Variants in TACC2 observed in about 807,000 individuals in gnomAD.
The protein encoded by TACC2 is transforming acidic coiled-coil-containing protein 2.
TACC2 carries 137 observed loss-of-function variants against 227.3 expected under a neutral mutation model. The observed-to-expected ratio is 0.60, with a 90% CI of 0.52 to 0.69. TACC2 has a LOEUF of 0.69. Ranked by LOEUF, TACC2 falls within the 30% of genes least tolerant of loss-of-function variation. The probability of loss-of-function intolerance (pLI) is 0.00; values close to 1 mark genes in which losing one functional copy is unlikely to be tolerated. For synonymous variants in TACC2, 1,523 were observed against 1,487.5 expected, an observed-to-expected ratio of 1.02 and a Z score of -0.55; for missense variants, 3,470 against 3,694.4, an observed-to-expected ratio of 0.94 and a Z score of 1.57.
At chr10:121,989,556 A>G (rs1027697847) in intron 1 of TACC2, 68 bp downstream of exon 1, 4 of 152,148 alleles carry the variant, frequency 2.6e-5, no homozygotes, top group African/African-American at 9.7e-5. Flanking sequence ...AATACAGGGT[A>G]GGAAAACCCT....
chr10:122,148,166 T>C (rs562766021), intron 7 of TACC2, among the ~76,000 whole-genome samples: 4 of 149,360 alleles, frequency 2.7e-5, no homozygotes, highest in African/African-American at 1.0e-4. Context: ...TGCAATGGCG[T>C]GATCTCTTCT....
At chr10:122,139,681 A>G (rs2090250591) in intron 6 of TACC2, among the ~76,000 whole-genome samples, 2 of 152,106 alleles carry the variant, frequency 1.3e-5, no homozygotes, top group African/African-American at 2.4e-5. Flanking sequence ...TTGCCCTATT[A>G]TGTGATCATG....
At chr10:122,116,491 C>G (rs2084722594) in intron 5 of TACC2, among the ~76,000 whole-genome samples, 1 of 152,188 alleles carries the variant, frequency 6.6e-6, no homozygotes, top group Non-Finnish European at 1.5e-5. Flanking sequence ...AGCTGTGTGA[C>G]CTTGAGCAAG....
intron 6 of TACC2, among the ~76,000 whole-genome samples, chr10:122,136,446 A>G (rs549616991): frequency 6.6e-6 from 1 of 152,186 alleles, no homozygotes; most frequent in Non-Finnish European, 1.5e-5. Flanking sequence ...AGGCTGGAAC[A>G]GTCCTCGGGA....
At chr10:122,068,269 A>T (rs1319673608) in intron 3 of TACC2, among the ~76,000 whole-genome samples, 1 of 152,188 alleles carries the variant, frequency 6.6e-6, no homozygotes, top group African/African-American at 2.4e-5. Context: ...CTGGAAAAAA[A>T]GTCTTTTTAT....
intron 8 of TACC2, among the ~76,000 whole-genome samples, chr10:122,207,318 G>A (rs1219068459): frequency 6.6e-6 from 1 of 151,994 alleles, no homozygotes; most frequent in Non-Finnish European, 1.5e-5. Flanking sequence ...AATGCAGTAG[G>A]CGAGCAGGGA....
intron 2 of TACC2, among the ~76,000 whole-genome samples, chr10:122,048,611 C>T (rs2075330128): frequency 6.6e-6 from 1 of 152,050 alleles, no homozygotes; most frequent in African/African-American, 2.4e-5. Context: ...TCCCACCTCG[C>T]CTTCCCAAAG....
chr10:122,243,144 A>G (rs757115642), intron 19 of TACC2, among the ~76,000 whole-genome samples: 4 of 152,096 alleles, frequency 2.6e-5, no homozygotes, highest in Admixed American at 6.5e-5. Flanking sequence ...GGGTTTCACT[A>G]TGTTGGCCAG....
At chr10:122,103,649 C>T (rs2082417552) in intron 5 of TACC2, among the ~76,000 whole-genome samples, 1 of 152,244 alleles carries the variant, frequency 6.6e-6, no homozygotes, top group Non-Finnish European at 1.5e-5. Flanking sequence ...CTAGGCCCCA[C>T]ATACCCTTTC....
intron 7 of TACC2, among the ~76,000 whole-genome samples, chr10:122,176,626 C>A (rs534382618): frequency 6.6e-6 from 1 of 152,228 alleles, no homozygotes; most frequent in South Asian, 2.1e-4. Context: ...GATAACCATG[C>A]AGATTCAAGC....
intron 5 of TACC2, among the ~76,000 whole-genome samples, chr10:122,125,673 G>C (rs866369496): frequency 6.6e-6 from 1 of 152,064 alleles, no homozygotes; most frequent in Non-Finnish European, 1.5e-5. Flanking sequence ...AGGATGGCCA[G>C]ATTGGTGCCT....
chr10:122,031,769 A>G (rs1017579840), intron 2 of TACC2, among the ~76,000 whole-genome samples: 1 of 150,602 alleles, frequency 6.6e-6, no homozygotes, highest in African/African-American at 2.5e-5. Flanking sequence ...CAGTGGCACA[A>G]TCTTGGCTCA....
chr10:122,209,559 T>G lies in TACC2; in HGVS notation c.5972-838T>G, dbSNP rs1593370155. Among the ~76,000 whole-genome samples the G allele has an allele frequency of 1.3e-5, 2 of 152,176 alleles. No homozygotes were observed. Among genetic ancestry groups the G allele is most frequent in the Non-Finnish European group, 2.9e-5 (2 of 68,040 alleles). On this transcript the variant is annotated intron_variant, in intron 8 of 22. Transcript: ENST00000369005. The surrounding 1 kb of genome is among the most constrained non-coding windows in gnomAD (Gnocchi z 4.5). ...AGTCCTCCTGTTTCATGCACTTACC[T>G]TGATTCTGGCCTTTGCTTAGATGTC...
At chr10:121,992,091 G>C (rs1953050994) in intron 1 of TACC2, among the ~76,000 whole-genome samples, 4 of 152,142 alleles carry the variant, frequency 2.6e-5, no homozygotes, top group Non-Finnish European at 5.9e-5. Context: ...ATGAGATCCG[G>C]GTGGGGACAC....
intron 1 of TACC2, among the ~76,000 whole-genome samples, chr10:121,991,929 CAAAG>C (rs1953043198): frequency 1.3e-5 from 2 of 152,060 alleles, no homozygotes; most frequent in South Asian, 2.1e-4. Context: ...TGACAGCAGG[CAAAG>C]AAAGAGCTTG....
At chr10:122,088,796 T>C in intron 5 of TACC2, 1 of 1,487,716 alleles carries the variant, frequency 6.7e-7, no homozygotes, top group Non-Finnish European at 9.0e-7. Context: ...ATTGAATGAG[T>C]TGCTTTCATA....
rs558370084 is a variant in TACC2, at chr10:122,217,022, C to T, written c.7546+194C>T. 445 of 1,189,206 alleles carry T rather than the reference C, an allele frequency of 3.7e-4. 2 individuals are homozygous for T. Among genetic ancestry groups the T allele is most frequent in the Non-Finnish European group, 2.1e-5 (18 of 865,498 alleles). The allele number at this position is 1,189,206 out of a possible 1,614,324, so 73.7% of individuals were successfully genotyped here. On this transcript the variant is annotated intron_variant, in intron 11 of 22. Coordinates refer to ENST00000369005, the MANE Select transcript of TACC2 (RefSeq NM_206862.4). ...CAGCCTGAGACTTGAAAGCAGCTGT[C>T]CCTTGACCCAAGACTCCTGCTAAGA...
intron 22 of TACC2, among the ~76,000 whole-genome samples, chr10:122,251,375 T>TA (rs1296502968): frequency 2.6e-5 from 4 of 152,330 alleles, no homozygotes; most frequent in African/African-American, 9.6e-5. Context: ...CAGAACGACA[T>TA]ATGCGGTCAC....
At chr10:122,239,579 C>G (rs1243157367) in intron 18 of TACC2, among the ~76,000 whole-genome samples, 1 of 152,114 alleles carries the variant, frequency 6.6e-6, no homozygotes, top group Non-Finnish European at 1.5e-5. Context: ...ATGGGTGGTT[C>G]TAGTTTTTTT....
Sources: allele counts gnomAD v4.1 joint callset (sites outside exome capture counted in the v4.1 genomes callset), GRCh38; gene constraint gnomAD v4.1.1; non-coding constraint Gnocchi (gnomAD v3.1); transcripts MANE v1.5; gene names NCBI Gene and HGNC (gene_info 2026-07-23, HGNC 2026-07-21).